The following PIK3C2A variants were observed in gnomAD, a reference collection of about 807,000 sequenced individuals.
PIK3C2A encodes phosphatidylinositol-4-phosphate 3-kinase catalytic subunit type 2 alpha, also known as phosphatidylinositol 4-phosphate 3-kinase C2 domain-containing subunit alpha.
In PIK3C2A, 97 loss-of-function variants were observed where a neutral mutation model predicts 204.5. The ratio of observed to expected loss-of-function variants is 0.47; its 90% CI spans 0.40 to 0.56. The LOEUF (loss-of-function observed/expected upper bound fraction) is 0.56. Among genes scored for constraint, PIK3C2A ranks in the 20% least tolerant of loss-of-function variants. The probability of loss-of-function intolerance (pLI) is 0.00; values close to 1 mark genes in which losing one functional copy is unlikely to be tolerated. For missense variants in PIK3C2A, 1,735 were observed against 1,969.2 expected (o/e 0.88, Z 2.25); for synonymous variants, 653 against 664.4 (o/e 0.98, Z 0.26).
chr11:17,169,703 A>G lies in PIK3C2A; in HGVS notation c.39T>C (p.Cys13=). The part of the protein sequence containing the change: ...QISSNSGFKE[C]PSSHPEPTRA... ...TTGTTGGTTCCGGATGTGAAGATGG[A>G]CATTCTTTAAATCCGCTGTTGCTAG... is the stretch of plus-strand genomic sequence containing the variant. Residue 13 remains cysteine (C), a synonymous_variant, in exon 2 of 33, where the codon TGT becomes TGC. Coordinates refer to ENST00000691414, the MANE Select transcript of PIK3C2A (RefSeq NM_002645.4). 6.2e-7 allele frequency: 1 copy of G among 1,607,230 alleles called. No individual in the cohort carries two copies. Among genetic ancestry groups the G allele is most frequent in the Non-Finnish European group, 8.5e-7 (1 of 1,179,546 alleles).
chr11:17,145,763 G>T, intron 7 of PIK3C2A, 32 bp from the exon 8 acceptor site: 1 of 1,560,846 alleles, frequency 6.4e-7, no homozygotes, highest in Non-Finnish European at 8.8e-7. Context: ...GTGGCTGAAG[G>T]ATGCTACACA....
chr11:17,206,719 T>G (rs1852592260), intron 1 of PIK3C2A, among the ~76,000 whole-genome samples: 1 of 152,192 alleles, frequency 6.6e-6, no homozygotes, highest in African/African-American at 2.4e-5. Context: ...TGGACTTCTG[T>G]GCAGCCTTCC....
At position 17,134,860 on chromosome 11, in the gene PIK3C2A, A is replaced by G. The variant is rs748579802; in HGVS notation, c.2067T>C (p.Thr689=). ...AWTTTEQLQF[T]IFAAHGISSN... is the part of the protein sequence containing the mutation. The stretch of plus-strand genomic sequence containing the variant: ...TTGAAATTCCATGAGCAGCAAAAAT[A>G]GTAAACTGGAGCTGCTCTGTTGTAG... Residue 689 remains threonine, a synonymous_variant, in exon 11 of 33, where the codon ACT becomes ACC. Transcript: ENST00000691414. The G allele has an allele frequency of 6.2e-7, 1 of 1,614,148 alleles. No homozygotes were observed.
rs138446082 is a variant in PIK3C2A, at chr11:17,097,335, G to C, written c.4119-71C>G. The stretch of plus-strand genomic sequence containing the variant: ...GGTAAATTCTTTCAATGTAATAAAT[G>C]ACAAAAACCACTTTCATTCCTTTAA... On this transcript the variant is annotated intron_variant, in intron 26 of 32. Coordinates refer to ENST00000691414, the MANE Select transcript of PIK3C2A (RefSeq NM_002645.4). 1.5e-3 allele frequency: 1,397 copies of C among 912,486 alleles called. 15 individuals are homozygous for C. The African/African-American group carries it at 0.02, about 13-fold the overall frequency. The allele number at this position is 912,486 out of a possible 1,614,324, so 56.5% of individuals were successfully genotyped here.
intron 17 of PIK3C2A, 110 bp downstream of exon 17, chr11:17,119,110 C>G (rs1274283799): frequency 1.5e-6 from 1 of 673,706 alleles, no homozygotes; most frequent in Middle Eastern, 2.9e-4. Flanking sequence ...CCTCAATGTT[C>G]CCACACTAAA....
At chr11:17,204,693 C>A (rs1247242051) in intron 1 of PIK3C2A, among the ~76,000 whole-genome samples, 2 of 152,098 alleles carry the variant, frequency 1.3e-5, no homozygotes, top group African/African-American at 4.8e-5. Flanking sequence ...TTTTTCTTAT[C>A]CCTGGGAACC....
At chr11:17,180,789 T>G (rs140445102) in intron 1 of PIK3C2A, among the ~76,000 whole-genome samples, 1 of 152,274 alleles carries the variant, frequency 6.6e-6, no homozygotes, top group African/African-American at 2.4e-5. Flanking sequence ...GCCACTGCAT[T>G]CCAGCGGATA....
chr11:17,180,404 T>C (rs1851497984), intron 1 of PIK3C2A, among the ~76,000 whole-genome samples: 1 of 151,670 alleles, frequency 6.6e-6, no homozygotes, highest in East Asian at 1.9e-4. Flanking sequence ...ACCATAAAAA[T>C]GTCAGTGAAA....
chr11:17,132,126 G>A, intron 11 of PIK3C2A, 88 bp from the exon 12 acceptor site: 1 of 756,388 alleles, frequency 1.3e-6, no homozygotes, highest in Non-Finnish European at 2.1e-6. Flanking sequence ...TTCCTCCAAA[G>A]AGACTAATAT....
intron 25 of PIK3C2A, among the ~76,000 whole-genome samples, chr11:17,100,451 A>C (rs1459308002): frequency 6.6e-6 from 1 of 151,826 alleles, no homozygotes. Flanking sequence ...CGAACTCCTG[A>C]CCTCAAGCAA....
At chr11:17,121,620 T>G (rs1849370450) in intron 15 of PIK3C2A, among the ~76,000 whole-genome samples, 1 of 152,228 alleles carries the variant, frequency 6.6e-6, no homozygotes, top group East Asian at 1.9e-4. Context: ...TCCCATTTTA[T>G]GTATCCTTAT....
intron 8 of PIK3C2A, among the ~76,000 whole-genome samples, chr11:17,136,851 A>G (rs1004887692): frequency 6.6e-6 from 1 of 152,242 alleles, no homozygotes; most frequent in Non-Finnish European, 1.5e-5. Context: ...ATTCATATGC[A>G]AATTGCTATT....
At chr11:17,186,803 G>A (rs771572977) in intron 1 of PIK3C2A, among the ~76,000 whole-genome samples, 35 of 152,218 alleles carry the variant, frequency 2.3e-4, no homozygotes, top group Non-Finnish European at 4.8e-4. Context: ...GGCCGGGCAC[G>A]GTGGCTTGAT....
chr11:17,177,597 C>T (rs1201471702), intron 1 of PIK3C2A, among the ~76,000 whole-genome samples: 2 of 152,016 alleles, frequency 1.3e-5, no homozygotes, highest in African/African-American at 2.4e-5. Context: ...AAAGTTGTTC[C>T]ATCTCTGTTA....
chr11:17,089,658 TG>T lies in PIK3C2A; in HGVS notation c.*79del. 1 of 760,778 alleles carries T rather than the reference TG, an allele frequency of 1.3e-6. No individual in the cohort carries two copies. Among genetic ancestry groups the T allele is most frequent in the Admixed American group, 2.4e-5 (1 of 41,216 alleles). 47.1% of individuals were successfully genotyped at this position (760,778 alleles called of 1,614,324 possible). ...ACTATACAAAATTAACAAGTGTGTG[TG>T]TGTGTGTCTGTGTGTGTGTGCATGT... On this transcript the variant is annotated 3_prime_UTR_variant, in exon 33 of 33. Transcript: ENST00000691414.
chr11:17,170,590 GAAGAT>G (rs1384819672), intron 1 of PIK3C2A, among the ~76,000 whole-genome samples: 1 of 152,044 alleles, frequency 6.6e-6, no homozygotes, highest in Non-Finnish European at 1.5e-5. Flanking sequence ...GAAAAGATGA[GAAGAT>G]AATTTTTAAA....
intron 28 of PIK3C2A, 31 bp downstream of exon 28, chr11:17,094,230 A>G: frequency 6.5e-7 from 1 of 1,538,402 alleles, no homozygotes; most frequent in Non-Finnish European, 8.9e-7. Context: ...TTTCCTACAA[A>G]AAGGATTAAT....
intron 11 of PIK3C2A, 106 bp downstream of exon 11, chr11:17,134,713 C>A (rs901998733): frequency 1.2e-6 from 1 of 811,416 alleles, no homozygotes; most frequent in Non-Finnish European, 2.1e-6. Flanking sequence ...ATTGCCAAGG[C>A]TGGTCTCCAA....
At chr11:17,202,653 A>G (rs1852430377) in intron 1 of PIK3C2A, among the ~76,000 whole-genome samples, 1 of 152,186 alleles carries the variant, frequency 6.6e-6, no homozygotes, top group South Asian at 2.1e-4. Context: ...TATTATGCTA[A>G]GTAAGTCACA....
Sources: gnomAD v4.1 joint callset for allele counts (sites outside exome capture counted in the v4.1 genomes callset) on GRCh38, gnomAD v4.1.1 for gene constraint, MANE v1.5 for transcripts, NCBI Gene and HGNC (gene_info 2026-07-23, HGNC 2026-07-21) for gene names.